The following RNF151 variants were observed in gnomAD, a reference collection of about 807,000 sequenced individuals.
The protein encoded by RNF151 is ring finger protein 151.
Under a neutral mutation model 11.1 loss-of-function variants are expected in RNF151, and 9 were observed. The ratio of observed to expected loss-of-function variants is 0.81; its 90% CI spans 0.49 to 1.42. The LOEUF (loss-of-function observed/expected upper bound fraction) is 1.42, where lower values mean the gene tolerates loss of function less well. Among genes scored for constraint, RNF151 ranks in the 40% most tolerant of loss-of-function variants. The probability of loss-of-function intolerance (pLI) is 0.00; values close to 1 mark genes in which losing one functional copy is unlikely to be tolerated. For synonymous variants in RNF151, 172 were observed against 140.7 expected, an observed-to-expected ratio of 1.22 and a Z score of -1.58; for missense variants, 372 against 342.9, an observed-to-expected ratio of 1.08 and a Z score of -0.67.
At position 1,968,943 on chromosome 16, in the gene RNF151, C is replaced by T. The variant is rs749524036; in HGVS notation, c.*18C>T. ...GTAAATAGGTAAATAAAAGCAGACC[C>T]CCGGCCTGCCTGCCTCTGTGCCTGC... On this transcript the variant is annotated 3_prime_UTR_variant, in exon 4 of 4. Coordinates refer to ENST00000569714, the MANE Select transcript of RNF151 (RefSeq NM_174903.6). The T allele has an allele frequency of 9.0e-6, 14 of 1,557,182 alleles. No homozygotes were observed. In the South Asian group the frequency reaches 1.2e-4, roughly 13 times the overall value.
intron 2 of RNF151, 132 bp downstream of exon 2, chr16:1,967,551 C>T (rs1366809070): frequency 1.0e-6 from 1 of 979,718 alleles, no homozygotes; most frequent in Non-Finnish European, 1.5e-6. Context: ...TGTGTGTACC[C>T]TCACTCAGTA....
chr16:1,967,142 C>A, intron 1 of RNF151, 132 bp from the exon 2 acceptor site: 1 of 1,250,892 alleles, frequency 8.0e-7, no homozygotes, highest in Non-Finnish European at 1.1e-6. Flanking sequence ...AAAGTGGGCG[C>A]TGAGCCAACC....
rs376891896 is a variant in RNF151 at position 1,967,748 on chromosome 16, G to A, written c.173G>A (p.Arg58Lys). ...AGACAAAAGACCTGTCCGTGCTGTA[G>A]GAAAGAGGTGAAAAGGAAAAAGGTT... is the stretch of plus-strand genomic sequence containing the variant. Reference protein sequence around the residue: ...LARQKTCPCCRKEVKRKKVVH... With the variant: ...LARQKTCPCCKKEVKRKKVVH... Residue 58 changes from arginine to lysine, a missense_variant, in exon 3 of 4, where the codon AGG becomes AAG. Physicochemically the swap from Arg to Lys is conservative, Grantham distance 26. Transcript: ENST00000569714. 1.2e-6 allele frequency: 2 copies of A among 1,611,724 alleles called. No individual in the cohort carries two copies. Among genetic ancestry groups the A allele is most frequent in the African/African-American group, 1.3e-5 (1 of 74,886 alleles).
At chr16:1,967,637 G>T in intron 2 of RNF151, 88 bp from the exon 3 acceptor site, 1 of 1,155,920 alleles carries the variant, frequency 8.7e-7, no homozygotes, top group South Asian at 1.3e-5. Flanking sequence ...TCCAGCTAAT[G>T]AAGGGACCAC....
In RNF151 at chr16:1,967,705, C is replaced by T; in HGVS notation, c.150-20C>T. On this transcript the variant is annotated intron_variant, in intron 2 of 3. Coordinates refer to ENST00000569714, the MANE Select transcript of RNF151 (RefSeq NM_174903.6). ...CCCTTCCCACTCCCAACACTCACCC[C>T]TACTCATGCCTCCTTCCAGACAAAA... The T allele has an allele frequency of 6.3e-7, 1 of 1,587,712 alleles. No homozygotes were observed. Among genetic ancestry groups the T allele is most frequent in the Non-Finnish European group, 8.6e-7 (1 of 1,162,752 alleles).
At chr16:1,968,306 C>A in intron 3 of RNF151, 128 bp from the exon 4 acceptor site, 1 of 1,216,064 alleles carries the variant, frequency 8.2e-7, no homozygotes, top group Non-Finnish European at 1.1e-6. Context: ...TTCTCTCCAC[C>A]AACTCACCAG....
chr16:1,968,473 C>A lies in RNF151; in HGVS notation c.286C>A (p.Leu96Met). ...CGCTGGCTGCATAGTGACATGCCCC[C>A]TGGCCCATCGCAAGGGGCACCAGGA... ...ADAGCIVTCPLAHRKGHQDSC... is the reference protein window; with the variant it reads ...ADAGCIVTCPMAHRKGHQDSC... Residue 96 changes from leucine to methionine, a missense_variant, in exon 4 of 4, where the codon CTG (leucine) becomes ATG (methionine). By Grantham distance (15) the Leu-to-Met change is conservative. Transcript: ENST00000569714. The A allele has an allele frequency of 6.3e-7, 1 of 1,587,206 alleles. No individual in the cohort carries two copies. The highest frequency in any genetic ancestry group is 8.6e-7 in the Non-Finnish European group (1 of 1,163,816).
Position 1,968,631 on chromosome 16 carries a change from C to T in RNF151, c.444C>T (p.Ala148=). Residue 148 remains alanine, a synonymous_variant, in exon 4 of 4, where the codon GCC becomes GCT. Coordinates refer to ENST00000569714, the MANE Select transcript of RNF151 (RefSeq NM_174903.6). ...AGCGCTGCCCCCTGGGCTGCGGGGCCACCCTGGACCCGGCCGAGCGTGCTC... is the reference window on the plus strand; with the variant it reads ...AGCGCTGCCCCCTGGGCTGCGGGGCTACCCTGGACCCGGCCGAGCGTGCTC... ...SQQRCPLGCG[A]TLDPAERARH... is the part of the protein sequence containing the mutation. 1 of 1,568,606 alleles carries T rather than the reference C, an allele frequency of 6.4e-7. No homozygotes were observed. Among genetic ancestry groups the T allele is most frequent in the Non-Finnish European group, 8.6e-7 (1 of 1,157,822 alleles).
In RNF151 at chr16:1,967,805, G is replaced by A. The variant is rs773226360; in HGVS notation, c.230G>A (p.Gly77Asp). The A allele has an allele frequency of 1.9e-6, 3 of 1,609,236 alleles. No individual in the cohort carries two copies. The highest frequency in any genetic ancestry group is 2.5e-6 in the Non-Finnish European group (3 of 1,177,770). The change falls in exon 3 of 4, where the codon GGC (glycine) becomes GAC (aspartate). Residue 77 changes from glycine to aspartate, a missense_variant. Transcript: ENST00000569714. ...ATGAATAAACTCCGGAAAACCATTG[G>A]CCGCCTGGAAGTCAAGGTAGCTCAA... ...VHMNKLRKTI[G>D]RLEVKCKNAD... is the part of the protein sequence containing the mutation.
At position 1,968,708 on chromosome 16, in the gene RNF151, G is replaced by A. The variant is rs369087548; in HGVS notation, c.521G>A (p.Arg174His). 23 of 1,566,060 alleles carry A rather than the reference G, an allele frequency of 1.5e-5. No individual in the cohort carries two copies. The African/African-American group carries it at 2.0e-4, about 14-fold the overall frequency. ...LHNAWSVRQE[R>H]RRPLLLSLLR... is the part of the protein sequence containing the mutation. ...AACGCCTGGAGCGTGCGCCAGGAGC[G>A]CCGTCGGCCCCTGCTGCTGTCCCTC... Residue 174 changes from arginine to histidine, a missense_variant, in exon 4 of 4, where the codon CGC becomes CAC. Transcript: ENST00000569714.
chr16:1,968,392 G>A, intron 3 of RNF151, 42 bp from the exon 4 acceptor site: 1 of 1,478,416 alleles, frequency 6.8e-7, no homozygotes, highest in South Asian at 1.4e-5. Context: ...GATTCCGTGG[G>A]TGTCCTGCCC....
chr16:1,968,036 A>G (rs1343722887), intron 3 of RNF151: 4 of 700,754 alleles, frequency 5.7e-6, no homozygotes, highest in South Asian at 4.5e-5. Flanking sequence ...CCCCTGGGTT[A>G]GAAAATGGAG....
chr16:1,967,857 C>G, intron 3 of RNF151, 36 bp downstream of exon 3: 1 of 1,462,180 alleles, frequency 6.8e-7, no homozygotes, highest in Admixed American at 1.9e-5. Context: ...ACCCTCAACC[C>G]TTCTCACCCT....
chr16:1,967,754 A>G lies in RNF151; in HGVS notation c.179A>G (p.Glu60Gly), dbSNP rs1325185249. The change falls in exon 3 of 4, where the codon GAG becomes GGG. Residue 60 changes from glutamate to glycine, a missense_variant. Transcript: ENST00000569714. Reference protein sequence around the residue: ...RQKTCPCCRKEVKRKKVVHMN... With the variant: ...RQKTCPCCRKGVKRKKVVHMN... Reference sequence around the variant, plus strand: ...AAGACCTGTCCGTGCTGTAGGAAAGAGGTGAAAAGGAAAAAGGTTGTCCAC... The same window carrying G: ...AAGACCTGTCCGTGCTGTAGGAAAGGGGTGAAAAGGAAAAAGGTTGTCCAC... The G allele has an allele frequency of 4.3e-6, 7 of 1,611,996 alleles. No homozygotes were observed. Among genetic ancestry groups the G allele is most frequent in the Non-Finnish European group, 5.9e-6 (7 of 1,179,178 alleles).
intron 1 of RNF151, 95 bp downstream of exon 1, chr16:1,966,979 A>G (rs925082222): frequency 7.1e-7 from 1 of 1,405,322 alleles, no homozygotes; most frequent in East Asian, 2.3e-5. Flanking sequence ...CTCCACTCGG[A>G]AAGGGTGGGC....
Position 1,967,360 on chromosome 16 carries a change from A to G in RNF151, c.90A>G (p.Pro30=), listed in dbSNP as rs2083320635. The G allele has an allele frequency of 5.6e-6, 9 of 1,613,680 alleles. No homozygotes were observed. The South Asian group carries it at 9.9e-5, about 18-fold the overall frequency. The part of the protein sequence containing the change: ...CSVCHGVLKR[P]ARLPCSHIFC... ...TCTGCCATGGGGTTCTCAAGAGGCC[A>G]GCAAGGTTGCCATGCAGCCACATCT... is the stretch of plus-strand genomic sequence containing the variant. The change falls in exon 2 of 4, where the codon CCA becomes CCG. Residue 30 remains proline (P), a synonymous_variant. Coordinates refer to ENST00000569714, the MANE Select transcript of RNF151 (RefSeq NM_174903.6).
In RNF151 at chr16:1,968,661, C is replaced by T; in HGVS notation, c.474C>T (p.His158=). The change falls in exon 4 of 4, where the codon CAC becomes CAT. Residue 158 remains histidine (H), a synonymous_variant. Transcript: ENST00000569714. The part of the protein sequence containing the change: ...ATLDPAERAR[H]NCYRELHNAW... Reference sequence around the variant, plus strand: ...TGGACCCGGCCGAGCGTGCTCGCCACAACTGCTACCGGGAGCTGCACAACG... The same window carrying T: ...TGGACCCGGCCGAGCGTGCTCGCCATAACTGCTACCGGGAGCTGCACAACG... 6.4e-7 allele frequency: 1 copy of T among 1,567,730 alleles called. No homozygotes were observed. The highest frequency in any genetic ancestry group is 2.4e-5 in the East Asian group (1 of 41,814).
At position 1,968,488 on chromosome 16, in the gene RNF151, G is replaced by A. The variant is rs1375088208; in HGVS notation, c.301G>A (p.Gly101Arg). The A allele has an allele frequency of 1.3e-6, 2 of 1,595,668 alleles. No homozygotes were observed. Among genetic ancestry groups the A allele is most frequent in the East Asian group, 2.3e-5 (1 of 43,936 alleles). ...GACATGCCCCCTGGCCCATCGCAAG[G>A]GGCACCAGGACTCATGCCCCTTTGA... ...IVTCPLAHRK[G>R]HQDSCPFELT... Residue 101 changes from glycine to arginine, a missense_variant, in exon 4 of 4, where the codon GGG becomes AGG. Coordinates refer to ENST00000569714, the MANE Select transcript of RNF151 (RefSeq NM_174903.6).
rs554796786 is a variant in RNF151, at chr16:1,968,622, C to T, written c.435C>T (p.Gly145=). The change falls in exon 4 of 4, where the codon GGC becomes GGT. Residue 145 remains glycine (G), a synonymous_variant. Coordinates refer to ENST00000569714, the MANE Select transcript of RNF151 (RefSeq NM_174903.6). ...GGTCCCAGCAGCGCTGCCCCCTGGG[C>T]TGCGGGGCCACCCTGGACCCGGCCG... ...QQGSQQRCPL[G]CGATLDPAER... is the part of the protein sequence containing the mutation. 2.9e-5 allele frequency: 46 copies of T among 1,571,506 alleles called. No homozygotes were observed. In the East Asian group the frequency reaches 5.2e-4, roughly 18 times the overall value.
Sources: allele counts gnomAD v4.1 joint callset, GRCh38; gene constraint gnomAD v4.1.1; transcripts MANE v1.5; gene names NCBI Gene and HGNC (gene_info 2026-07-23, HGNC 2026-07-21).